LAMC2: variants seen among roughly 807,000 people sequenced by gnomAD.
LAMC2 encodes the protein laminin subunit gamma-2.
A neutral mutation model predicts 140.2 loss-of-function variants in LAMC2; 97 were observed. The observed-to-expected ratio is 0.69, with a 90% CI of 0.59 to 0.82. The LOEUF is 0.82. Among genes scored for constraint, LAMC2 ranks in the 40% least tolerant of loss-of-function variants. LAMC2 has a pLI of 0.00. For synonymous variants in LAMC2, 513 were observed against 540.2 expected (o/e 0.95, Z 0.70); for missense variants, 1,402 against 1,476.1 (o/e 0.95, Z 0.82).
At chr1:183,238,678 G>C (rs900114769) in intron 19 of LAMC2, among the ~76,000 whole-genome samples, 1 of 152,192 alleles carries the variant, frequency 6.6e-6, no homozygotes, top group African/African-American at 2.4e-5. Flanking sequence ...GTGACCATAG[G>C]CAAGTCATGT....
intron 1 of LAMC2, among the ~76,000 whole-genome samples, chr1:183,206,651 C>A (rs866891508): frequency 1.3e-3 from 166 of 125,874 alleles, no homozygotes; most frequent in Middle Eastern, 4.5e-3. Flanking sequence ...GACTTGGTCT[C>A]AAAAAAAAAA....
chr1:183,223,650 C>T (rs1349930121), intron 7 of LAMC2, among the ~76,000 whole-genome samples: 1 of 152,128 alleles, frequency 6.6e-6, no homozygotes, highest in African/African-American at 2.4e-5. Flanking sequence ...TTCCCAGGAC[C>T]ACATGACAAA....
chr1:183,191,343 G>T (rs1175442391), intron 1 of LAMC2, among the ~76,000 whole-genome samples: 1 of 152,096 alleles, frequency 6.6e-6, no homozygotes, highest in Non-Finnish European at 1.5e-5. Context: ...GCAGCCACTG[G>T]TTCAGCCTCA....
At chr1:183,196,565 C>T (rs1056193786) in intron 1 of LAMC2, among the ~76,000 whole-genome samples, 3 of 148,874 alleles carry the variant, frequency 2.0e-5, no homozygotes, top group East Asian at 1.9e-4. Context: ...ACTTTATTCA[C>T]CATCTTCAGT....
chr1:183,255,883 C>G, the LAMC2 span, among the ~76,000 whole-genome samples: 1 of 151,862 alleles, frequency 6.6e-6, no homozygotes, highest in African/African-American at 2.4e-5. Context: ...AGACTGGTCT[C>G]TAACTCCTAA....
intron 4 of LAMC2, among the ~76,000 whole-genome samples, chr1:183,219,607 T>C (rs771805971): frequency 7.2e-5 from 11 of 152,138 alleles, no homozygotes; most frequent in Non-Finnish European, 1.3e-4. Context: ...TCCCTTCTTT[T>C]GTCTTCCCTC....
rs1304482400 is a variant in LAMC2, at chr1:183,201,956, G to T, written c.80-5925G>T. 3.3e-5 allele frequency among the ~76,000 whole-genome samples: 5 copies of T among 152,246 alleles called. No individual in the cohort carries two copies. In the East Asian group the frequency reaches 7.7e-4, roughly 24 times the overall value. On this transcript the variant is annotated intron_variant, in intron 1 of 22. Transcript: ENST00000264144. ...ATCTTTTGACTCCAGCACTCTAGAG[G>T]ATCTAAGGTGACCTTGATGGACAGT...
At chr1:183,192,621 C>A (rs1658378462) in intron 1 of LAMC2, among the ~76,000 whole-genome samples, 1 of 152,202 alleles carries the variant, frequency 6.6e-6, no homozygotes, top group African/African-American at 2.4e-5. Flanking sequence ...AATTGAGGCA[C>A]AGAAGAGTGA....
rs907329485 is a variant in LAMC2, at chr1:183,210,504, C to T, written c.268+2435C>T. Among the ~76,000 whole-genome samples, 37 of 152,094 alleles carry T rather than the reference C, an allele frequency of 2.4e-4. 1 individual carries two copies. Among genetic ancestry groups the T allele is most frequent in the Admixed American group, 2.4e-3 (36 of 15,286 alleles). On this transcript the variant is annotated intron_variant, in intron 2 of 22. Transcript: ENST00000264144. ...AGACCTAGAAAAATTAATGAATGGC[C>T]TAAAGTCTTCCAGCAACTGATTGCA...
In LAMC2 at chr1:183,240,672, C is replaced by T. The variant is rs562299293; in HGVS notation, c.3328+281C>T. ...TGTATATAAGCAACTTCACAGAACA[C>T]GAGACAGCTTGGGAATCCTGCTAAA... On this transcript the variant is annotated intron_variant, in intron 22 of 22. Transcript: ENST00000264144. 12 of 1,333,904 alleles carry T rather than the reference C, an allele frequency of 9.0e-6. 1 individual carries two copies. The East Asian group carries it at 1.6e-4, about 17-fold the overall frequency. The allele number at this position is 1,333,904 out of a possible 1,614,324, so 82.6% of individuals were successfully genotyped here.
rs1482045103 is a variant in LAMC2 at position 183,244,246 on chromosome 1, T to C, written c.*846T>C. On this transcript the variant is annotated 3_prime_UTR_variant, in exon 23 of 23. Transcript: ENST00000264144. The stretch of plus-strand genomic sequence containing the variant: ...TCTAGATTTATTAGTCCTAATTCAA[T>C]CCTACTTTTCGAACACCAAAAATGA... 2.0e-5 allele frequency: 3 copies of C among 152,236 alleles called. No homozygotes were observed. Among genetic ancestry groups the C allele is most frequent in the Non-Finnish European group, 4.4e-5 (3 of 68,030 alleles). 9.4% of individuals were successfully genotyped at this position (152,236 alleles called of 1,614,324 possible). A position where few individuals can be genotyped will look rare whatever the true frequency, so the allele number is the denominator to read the frequency against.
In LAMC2 at chr1:183,236,459, G is replaced by A. The variant is rs1282189709; in HGVS notation, c.2457-1G>A. ...CGCCCCCTCCCCACCCCCAACACCA[G>A]ATTGGAGAAAACCAAGTCCCTGGCC... On this transcript the variant is annotated splice_acceptor_variant, in intron 16 of 22. Coordinates refer to ENST00000264144, the MANE Select transcript of LAMC2 (RefSeq NM_005562.3). LOFTEE classifies it high-confidence loss of function. 4 of 1,609,756 alleles carry A rather than the reference G, an allele frequency of 2.5e-6. No individual in the cohort carries two copies. The highest frequency in any genetic ancestry group is 2.5e-6 in the Non-Finnish European group (3 of 1,178,334).
intron 4 of LAMC2, among the ~76,000 whole-genome samples, chr1:183,220,355 A>G (rs1444961518): frequency 6.6e-6 from 1 of 152,158 alleles, no homozygotes; most frequent in African/African-American, 2.4e-5. Context: ...ATGGGGATCA[A>G]TACCTAAGTG....
chr1:183,211,964 C>T (rs1335740541), intron 2 of LAMC2, among the ~76,000 whole-genome samples: 3 of 151,768 alleles, frequency 2.0e-5, no homozygotes, highest in African/African-American at 7.3e-5. Flanking sequence ...TTCACAATCC[C>T]TAAGTACAGT....
chr1:183,221,276 G>C (rs979601361), intron 5 of LAMC2, among the ~76,000 whole-genome samples: 1 of 152,224 alleles, frequency 6.6e-6, no homozygotes, highest in Non-Finnish European at 1.5e-5. Flanking sequence ...GGTTTGGAGA[G>C]TGTATGAGTC....
chr1:183,196,660 A>G (rs1399891381), intron 1 of LAMC2, among the ~76,000 whole-genome samples: 1 of 152,202 alleles, frequency 6.6e-6, no homozygotes, highest in Non-Finnish European at 1.5e-5. Flanking sequence ...TTTGAACATA[A>G]AAGAGTTGTC....
At chr1:183,198,124 C>CT (rs11338376) in intron 1 of LAMC2, among the ~76,000 whole-genome samples, 29 of 142,930 alleles carry the variant, frequency 2.0e-4, no homozygotes, top group South Asian at 4.5e-4. Context: ...TGAGCATCAT[C>CT]TTTTTTTTTT....
At chr1:183,218,301 G>T (rs868755038) in intron 3 of LAMC2, 89 bp from the exon 4 acceptor site, 4 of 1,051,068 alleles carry the variant, frequency 3.8e-6, no homozygotes, top group Non-Finnish European at 5.9e-6. Context: ...CCAGCTTCGT[G>T]ATGTTTGCTC....
rs1216525268 is a variant in LAMC2 at position 183,235,688 on chromosome 1, G to T, written c.2414G>T (p.Ser805Ile). 19 of 1,614,242 alleles carry T rather than the reference G, an allele frequency of 1.2e-5. No homozygotes were observed. The highest frequency in any genetic ancestry group is 1.6e-5 in the Non-Finnish European group (19 of 1,180,042). Residue 805 changes from serine to isoleucine, a missense_variant, in exon 16 of 23, where the codon AGC (serine) becomes ATC (isoleucine). By Grantham distance (142) the Ser-to-Ile change is moderately radical. This residue lies in a region of LAMC2 where 670 missense variants were observed against 667.2 expected (regional missense o/e 1.00). Transcript: ENST00000264144. ...KALHEGVGSG[S>I]GSPDGAVVQG... ...CTGCATGAAGGAGTCGGAAGCGGAA[G>T]CGGTAGCCCGGACGGTGCTGTGGTG...
Sources: allele counts gnomAD v4.1 joint callset (sites outside exome capture counted in the v4.1 genomes callset), GRCh38; gene constraint gnomAD v4.1.1; regional missense constraint gnomAD v4.1.1; transcripts MANE v1.5; gene names NCBI Gene and HGNC (gene_info 2026-07-23, HGNC 2026-07-21).